The following ZRANB3 variants were observed in gnomAD, a reference collection of about 807,000 sequenced individuals.
The protein encoded by ZRANB3 is zinc finger RANBP2-type containing 3.
Under a neutral mutation model 133.8 loss-of-function variants are expected in ZRANB3, and 125 were observed. The ratio of observed to expected loss-of-function variants is 0.93; its 90% CI spans 0.81 to 1.08. ZRANB3 has a LOEUF of 1.08. ZRANB3 is among the 50% of genes least tolerant of loss of function. ZRANB3 has a pLI of 0.00. For missense variants in ZRANB3, 1,229 were observed against 1,275.5 expected (o/e 0.96, Z 0.56); for synonymous variants, 387 against 432.7 (o/e 0.89, Z 1.31).
intron 8 of ZRANB3, among the ~76,000 whole-genome samples, chr2:135,288,593 G>T (rs942999900): frequency 6.6e-6 from 1 of 152,012 alleles, no homozygotes; most frequent in African/African-American, 2.4e-5. Context: ...GCTTGTTATT[G>T]GTCTGTTCAG....
intron 2 of ZRANB3, 96 bp downstream of exon 2, chr2:135,504,233 A>T (rs761252120): frequency 2.1e-6 from 3 of 1,412,006 alleles, no homozygotes; most frequent in Admixed American, 3.5e-5. Context: ...CTAAAGAAAG[A>T]CTGTGAATAC....
chr2:135,439,403 T>C (rs1167820784), intron 2 of ZRANB3, among the ~76,000 whole-genome samples: 1 of 152,172 alleles, frequency 6.6e-6, no homozygotes, highest in Non-Finnish European at 1.5e-5. Context: ...ACATTTCCTC[T>C]TTGCAAGTAA....
chr2:135,466,191 T>C (rs1321816147), intron 2 of ZRANB3, among the ~76,000 whole-genome samples: 1 of 152,046 alleles, frequency 6.6e-6, no homozygotes, highest in Non-Finnish European at 1.5e-5. Context: ...GAGACCAGCC[T>C]GGCCAACATG....
At chr2:135,399,528 T>G (rs1275962091) in intron 2 of ZRANB3, among the ~76,000 whole-genome samples, 4 of 152,192 alleles carry the variant, frequency 2.6e-5, no homozygotes, top group Non-Finnish European at 5.9e-5. Flanking sequence ...TTTTTTACAT[T>G]GTCTTTTCAT....
At chr2:135,444,456 T>C (rs2104997012) in intron 2 of ZRANB3, among the ~76,000 whole-genome samples, 1 of 152,252 alleles carries the variant, frequency 6.6e-6, no homozygotes, top group South Asian at 2.1e-4. Flanking sequence ...AACTACTGAT[T>C]TATACAACAA....
intron 1 of ZRANB3, among the ~76,000 whole-genome samples, chr2:135,526,224 C>A (rs962495681): frequency 3.5e-5 from 5 of 141,046 alleles, no homozygotes; most frequent in Non-Finnish European, 7.5e-5. Flanking sequence ...AGTACAATGG[C>A]ACTATCTCGG....
intron 4 of ZRANB3, among the ~76,000 whole-genome samples, chr2:135,352,831 C>T (rs1467854774): frequency 6.6e-6 from 1 of 152,018 alleles, no homozygotes; most frequent in East Asian, 1.9e-4. Flanking sequence ...TATGAATCAC[C>T]TACACATTCC....
intron 2 of ZRANB3, among the ~76,000 whole-genome samples, chr2:135,402,555 A>G (rs995221582): frequency 2.7e-5 from 4 of 150,720 alleles, no homozygotes; most frequent in Admixed American, 6.6e-5. Context: ...CGGCCTCCCA[A>G]TGTGCTGGGA....
intron 8 of ZRANB3, among the ~76,000 whole-genome samples, chr2:135,309,279 C>T (rs1293241313): frequency 6.6e-6 from 1 of 152,128 alleles, no homozygotes; most frequent in Admixed American, 6.5e-5. Flanking sequence ...CCGCACCCAG[C>T]CGCAATAACA....
rs1049841765 is a variant in ZRANB3 at position 135,419,979 on chromosome 2, T to C, written c.162-29159A>G. The stretch of plus-strand genomic sequence containing the variant: ...TAGAATTTGTTTTGATTTTGGAAAC[T>C]TTAACTCGCTCTCTCGCCATATACA... On this transcript the variant is annotated intron_variant, in intron 2 of 20. Transcript: ENST00000264159. 6.6e-5 allele frequency among the ~76,000 whole-genome samples: 10 copies of C among 151,046 alleles called. No homozygotes were observed. The East Asian group carries it at 1.7e-3, about 26-fold the overall frequency.
chr2:135,344,963 C>T (rs1449671989), intron 6 of ZRANB3, among the ~76,000 whole-genome samples: 2 of 152,062 alleles, frequency 1.3e-5, no homozygotes, highest in Non-Finnish European at 2.9e-5. Flanking sequence ...AAAGTGCCAA[C>T]ACTGCTTACA....
chr2:135,525,035 G>A (rs934978336), intron 1 of ZRANB3, among the ~76,000 whole-genome samples: 3 of 151,692 alleles, frequency 2.0e-5, no homozygotes, highest in Non-Finnish European at 2.9e-5. Flanking sequence ...GGATAGATTT[G>A]GACACTAAAA....
chr2:135,446,962 T>TAAC (rs1690049776), intron 2 of ZRANB3, among the ~76,000 whole-genome samples: 1 of 152,194 alleles, frequency 6.6e-6, no homozygotes, highest in East Asian at 1.9e-4. Flanking sequence ...GCTATGTGTT[T>TAAC]AACCTCTTGG....
intron 3 of ZRANB3, among the ~76,000 whole-genome samples, chr2:135,387,600 T>A (rs1043837975): frequency 1.3e-5 from 2 of 152,310 alleles, no homozygotes; most frequent in Non-Finnish European, 2.9e-5. Flanking sequence ...GAAGATTTTT[T>A]CTTAATCAAC....
chr2:135,440,409 A>AG (rs1185652429), intron 2 of ZRANB3, among the ~76,000 whole-genome samples: 2 of 152,136 alleles, frequency 1.3e-5, no homozygotes, highest in African/African-American at 4.8e-5. Context: ...TCTAAAAAAA[A>AG]AAAAGCATAT....
Position 135,207,870 on chromosome 2 carries a change from A to G in ZRANB3, c.2607-34T>C, listed in dbSNP as rs1200836385. 4 of 1,555,250 alleles carry G rather than the reference A, an allele frequency of 2.6e-6. No individual in the cohort carries two copies. In the African/African-American group the frequency reaches 4.1e-5, roughly 16 times the overall value. ...GATAAAAACACTGAATAGGTAACTA[A>G]TGAATGATTAGGCTAAATAGTAATT... On this transcript the variant is annotated intron_variant, in intron 18 of 20. Coordinates refer to ENST00000264159, the MANE Select transcript of ZRANB3 (RefSeq NM_032143.4).
At chr2:135,530,768 A>C (rs1444339391) in intron 1 of ZRANB3, 1 of 152,220 alleles carries the variant, frequency 6.6e-6, no homozygotes, top group Non-Finnish European at 1.5e-5. Flanking sequence ...TCTCCGCCCT[A>C]ATTTCAAGTC....
At chr2:135,306,821 C>T (rs1682729480) in intron 8 of ZRANB3, among the ~76,000 whole-genome samples, 1 of 151,690 alleles carries the variant, frequency 6.6e-6, no homozygotes, top group Admixed American at 6.6e-5. Flanking sequence ...AACTCCTGAC[C>T]TCAAGTGATC....
In ZRANB3 at chr2:135,402,606, A is replaced by C. The variant is rs1470542047; in HGVS notation, c.162-11786T>G. The stretch of plus-strand genomic sequence containing the variant: ...ACTGCACCCAGACTTTTTTTTTTTT[A>C]AGACAGTTTCGCTCTTGTCACCCAG... On this transcript the variant is annotated intron_variant, in intron 2 of 20. Transcript: ENST00000264159. Among the ~76,000 whole-genome samples the C allele has an allele frequency of 1.4e-5, 2 of 146,798 alleles. 1 individual carries two copies. The highest frequency in any genetic ancestry group is 3.0e-5 in the Non-Finnish European group (2 of 67,286).
Sources: gnomAD v4.1 joint callset for allele counts (sites outside exome capture counted in the v4.1 genomes callset) on GRCh38, gnomAD v4.1.1 for gene constraint, MANE v1.5 for transcripts, NCBI Gene and HGNC (gene_info 2026-07-23, HGNC 2026-07-21) for gene names.